MARCHF3: variants seen among roughly 807,000 people sequenced by gnomAD.
MARCHF3 encodes membrane associated ring-CH-type finger 3.
Under a neutral mutation model 24.2 loss-of-function variants are expected in MARCHF3, and 13 were observed. That is an observed-to-expected ratio of 0.54 (90% CI 0.35 to 0.85). The LOEUF is 0.85. Ranked by LOEUF, MARCHF3 falls within the 40% of genes least tolerant of loss-of-function variation. MARCHF3 has a pLI of 0.01. For synonymous variants in MARCHF3, 144 were observed against 137.3 expected (o/e 1.05, Z -0.34); for missense variants, 276 against 325.0 (o/e 0.85, Z 1.16).
intron 1 of MARCHF3, among the ~76,000 whole-genome samples, chr5:127,008,118 TA>T (rs1179938453): frequency 2.6e-5 from 4 of 151,936 alleles, no homozygotes; most frequent in South Asian, 2.1e-4. Context: ...TCTTTGGGTA[TA>T]AAAAAAATGC....
intron 1 of MARCHF3, among the ~76,000 whole-genome samples, chr5:126,972,278 T>A (rs920090493): frequency 2.0e-5 from 3 of 148,830 alleles, no homozygotes; most frequent in African/African-American, 7.4e-5. Context: ...TCCCAGAACC[T>A]CAAATCACCC....
Position 126,990,042 on chromosome 5 carries a change from C to T in MARCHF3, c.-57+40308G>A, listed in dbSNP as rs1302669646. ...ACTTTCTTCACAGAATTAGAAAAAA[C>T]TACTTTAAAGTTCATATGGAACCAA... On this transcript the variant is annotated intron_variant, in intron 1 of 4. Transcript: ENST00000308660. Among the ~76,000 whole-genome samples, 3 of 146,492 alleles carry T rather than the reference C, an allele frequency of 2.0e-5. No individual in the cohort carries two copies. The Admixed American group carries it at 2.1e-4, about 10-fold the overall frequency.
chr5:126,945,435 T>C (rs1314277952), intron 1 of MARCHF3, among the ~76,000 whole-genome samples: 1 of 152,180 alleles, frequency 6.6e-6, no homozygotes, highest in Non-Finnish European at 1.5e-5. Context: ...AGAGGTGTCC[T>C]GGAGGAAATG....
At chr5:126,916,125 T>G (rs1000571537) in intron 2 of MARCHF3, among the ~76,000 whole-genome samples, 3 of 152,182 alleles carry the variant, frequency 2.0e-5, no homozygotes, top group Non-Finnish European at 2.9e-5. Flanking sequence ...ATCAAATAAC[T>G]TGGCCCTCAT....
intron 1 of MARCHF3, among the ~76,000 whole-genome samples, chr5:126,988,957 G>GA (rs998988061): frequency 1.4e-4 from 21 of 152,288 alleles, no homozygotes; most frequent in African/African-American, 4.8e-4. Context: ...TCTCATGGAT[G>GA]AAAGAGGAGA....
At chr5:126,895,281 T>G (rs534436242) in intron 3 of MARCHF3, among the ~76,000 whole-genome samples, 1 of 152,144 alleles carries the variant, frequency 6.6e-6, no homozygotes, top group African/African-American at 2.4e-5. Context: ...CAGAGTAATT[T>G]GATCGTCTGA....
intron 1 of MARCHF3, among the ~76,000 whole-genome samples, chr5:126,992,766 ATTTTTTTTTT>A (rs757479478): frequency 9.4e-5 from 9 of 95,504 alleles, no homozygotes; most frequent in East Asian, 3.3e-4. Context: ...CATCCACGTG[ATTTTTTTTTT>A]TTTTTTTTTT....
At chr5:126,879,660 A>G (rs1189109589) in intron 3 of MARCHF3, among the ~76,000 whole-genome samples, 4 of 152,190 alleles carry the variant, frequency 2.6e-5, no homozygotes, top group Non-Finnish European at 5.9e-5. Context: ...GTGCTTACAT[A>G]CTGGTGTCAA....
intron 1 of MARCHF3, among the ~76,000 whole-genome samples, chr5:127,003,702 A>T (rs2126852397): frequency 6.6e-6 from 1 of 152,352 alleles, no homozygotes; most frequent in Non-Finnish European, 1.5e-5. Context: ...GTGAGCCGAG[A>T]TCGTGCCAGA....
chr5:126,967,509 A>G (rs1487328017), intron 1 of MARCHF3, among the ~76,000 whole-genome samples: 1 of 152,142 alleles, frequency 6.6e-6, no homozygotes, highest in Non-Finnish European at 1.5e-5. Flanking sequence ...CCTGGCCAAC[A>G]TGGTGAAACC....
intron 1 of MARCHF3, among the ~76,000 whole-genome samples, chr5:126,966,744 A>G (rs1750823774): frequency 6.6e-6 from 1 of 151,890 alleles, no homozygotes; most frequent in South Asian, 2.1e-4. Context: ...ATCATTAGGA[A>G]TATCAAAAGT....
chr5:126,925,699 G>A (rs896451432), intron 1 of MARCHF3, among the ~76,000 whole-genome samples: 1 of 152,198 alleles, frequency 6.6e-6, no homozygotes, highest in Non-Finnish European at 1.5e-5. Flanking sequence ...GCTGAGGGAG[G>A]GGGGTTGCAC....
intron 1 of MARCHF3, among the ~76,000 whole-genome samples, chr5:126,965,200 C>A (rs1750766085): frequency 1.3e-5 from 2 of 152,026 alleles, no homozygotes; most frequent in South Asian, 4.2e-4. Context: ...TCATATGAGA[C>A]ATGGATAATA....
At chr5:126,888,775 CT>C (rs1202838039) in intron 3 of MARCHF3, among the ~76,000 whole-genome samples, 1 of 151,932 alleles carries the variant, frequency 6.6e-6, no homozygotes, top group Non-Finnish European at 1.5e-5. Flanking sequence ...TGTGGTTTTT[CT>C]TTTTTTGAGA....
At chr5:126,956,712 A>C (rs1164148263) in intron 1 of MARCHF3, among the ~76,000 whole-genome samples, 2 of 149,946 alleles carry the variant, frequency 1.3e-5, no homozygotes, top group African/African-American at 2.5e-5. Flanking sequence ...AAACAATAAC[A>C]AAAAAAAACC....
At chr5:126,956,668 A>AC (rs1750456467) in intron 1 of MARCHF3, among the ~76,000 whole-genome samples, 1 of 148,606 alleles carries the variant, frequency 6.7e-6, no homozygotes, top group Non-Finnish European at 1.5e-5. Flanking sequence ...AAAAAAAAAA[A>AC]AAACCAAAAA....
In MARCHF3 at chr5:126,928,992, T is replaced by C. The variant is rs148328095; in HGVS notation, c.-56-10765A>G. On this transcript the variant is annotated intron_variant, in intron 1 of 4. Coordinates refer to ENST00000308660, the MANE Select transcript of MARCHF3 (RefSeq NM_178450.5). The stretch of plus-strand genomic sequence containing the variant: ...GATATCATCTACTACCCAGACTATA[T>C]TTAAATTTCCCCAATTGTCTCAAAA... 4.6e-3 allele frequency among the ~76,000 whole-genome samples: 700 copies of C among 152,348 alleles called. 2 individuals carry two copies. Among genetic ancestry groups the C allele is most frequent in the Admixed American group, 7.7e-3 (117 of 15,294 alleles).
At chr5:127,023,799 G>A (rs1362187600) in intron 1 of MARCHF3, among the ~76,000 whole-genome samples, 1 of 151,410 alleles carries the variant, frequency 6.6e-6, no homozygotes, top group Non-Finnish European at 1.5e-5. Context: ...ATAAAAAAAG[G>A]TTCCCTCAAC....
intron 1 of MARCHF3, among the ~76,000 whole-genome samples, chr5:127,014,148 C>T (rs564819409): frequency 2.0e-5 from 3 of 152,176 alleles, no homozygotes; most frequent in Non-Finnish European, 4.4e-5. Flanking sequence ...AAGCATTCAT[C>T]TGATAAGGGA....
Sources: allele counts gnomAD v4.1 joint callset (sites outside exome capture counted in the v4.1 genomes callset), GRCh38; gene constraint gnomAD v4.1.1; transcripts MANE v1.5; gene names NCBI Gene and HGNC (gene_info 2026-07-23, HGNC 2026-07-21).